SLC2A14: variants seen among roughly 807,000 people sequenced by gnomAD.
The protein encoded by SLC2A14 is solute carrier family 2 member 14, also known as solute carrier family 2, facilitated glucose transporter member 14.
In SLC2A14, 13 loss-of-function variants were observed where a neutral mutation model predicts 43.0. The ratio of observed to expected loss-of-function variants is 0.30; its 90% confidence interval spans 0.20 to 0.48. The LOEUF (loss-of-function observed/expected upper bound fraction) is 0.48, where lower values mean the gene tolerates loss of function less well. Ranked by LOEUF, SLC2A14 falls within the 20% of genes least tolerant of loss-of-function variation. The pLI is 0.99. For synonymous variants in SLC2A14, 190 were observed against 233.8 expected (o/e 0.81, Z 1.71); for missense variants, 428 against 620.4 (o/e 0.69, Z 3.29).
intron 3 of SLC2A14, among the ~76,000 whole-genome samples, 161 bp downstream of exon 3, chr12:7,832,561 T>G (rs895850378): frequency 6.6e-6 from 1 of 152,148 alleles, no homozygotes. Flanking sequence ...GGATGGTGTT[T>G]AACTCCTGGG....
At position 7,818,014 on chromosome 12, in the gene SLC2A14, G is replaced by A. The variant is rs138911225; in HGVS notation, c.1092C>T (p.Ser364=). Residue 364 remains serine (S), a synonymous_variant, in exon 10 of 11, where the codon AGC becomes AGT. Coordinates refer to ENST00000431042, the MANE Select transcript of SLC2A14 (RefSeq NM_001286234.2). ...CCAAGATAGCCCCAATACAGACAAA[G>A]CTCATCCCATTATAGTGATTCTGTA... The part of the protein sequence containing the change: ...LLLKNHYNGM[S]FVCIGAILVF... 6.7e-5 allele frequency: 108 copies of A among 1,614,010 alleles called. No homozygotes were observed. In the African/African-American group the frequency reaches 1.2e-3, roughly 18 times the overall value.
At chr12:7,827,045 TTC>T (rs781013405) in intron 7 of SLC2A14, among the ~76,000 whole-genome samples, 23 of 141,456 alleles carry the variant, frequency 1.6e-4, no homozygotes, top group Non-Finnish European at 9.2e-5. Context: ...TTTCTCTCCT[TTC>T]TCTCTCTCTC....
intron 2 of SLC2A14, among the ~76,000 whole-genome samples, chr12:7,844,315 GGTAGTTCATTCCTTCTTACTGCTGA>G (rs1866271120): frequency 6.6e-6 from 1 of 152,088 alleles, no homozygotes; most frequent in Non-Finnish European, 1.5e-5. Flanking sequence ...TGGTGGTGTT[GGTAGTTCATTCCTTCTTACTGCTGA>G]GTAGTATTCC....
intron 1 of SLC2A14, among the ~76,000 whole-genome samples, chr12:7,886,341 AATTTATTTATTTATTT>A (rs71038799): frequency 0.68 from 95,192 of 140,636 alleles, 32,353 homozygotes; most frequent in Admixed American, 0.76. Flanking sequence ...AAATTTTTAA[AATTTATTTATTTATTT>A]ATTTATTTAT....
rs781762511 is a variant in SLC2A14, at chr12:7,832,518, T to TG, written c.111+203dup. Among the ~76,000 whole-genome samples the TG allele has an allele frequency of 4.6e-5, 7 of 152,274 alleles. No individual in the cohort carries two copies. The South Asian group carries it at 1.5e-3, about 32-fold the overall frequency. ...AGATACAAAGTTTAATTCCCCTAGT[T>TG]GGGGGAGGGACCCTCACTAACTGTG... On this transcript the variant is annotated intron_variant, in intron 3 of 10. Transcript: ENST00000431042.
At chr12:7,844,683 A>G (rs1866310745) in intron 2 of SLC2A14, among the ~76,000 whole-genome samples, 1 of 151,772 alleles carries the variant, frequency 6.6e-6, no homozygotes, top group African/African-American at 2.4e-5. Flanking sequence ...ATTACAGGCA[A>G]ATGCCACCAC....
intron 3 of SLC2A14, among the ~76,000 whole-genome samples, chr12:7,832,039 C>T (rs1178371305): frequency 2.6e-5 from 4 of 152,174 alleles, no homozygotes; most frequent in Non-Finnish European, 1.5e-5. Flanking sequence ...ACCCGTGGGG[C>T]GGAGTTTGCG....
chr12:7,826,884 TC>T lies in SLC2A14; in HGVS notation c.864+610del, dbSNP rs1174864726. On this transcript the variant is annotated intron_variant, in intron 7 of 10. Coordinates refer to ENST00000431042, the MANE Select transcript of SLC2A14 (RefSeq NM_001286234.2). ...TTTTTTCTTTCTTTCTTTCTTTCTT[TC>T]TTTCTTTCTTTCTTTCTTTCTTTCT... Among the ~76,000 whole-genome samples the T allele has an allele frequency of 7.1e-3, 494 of 69,156 alleles. 35 individuals are homozygous for T. Among genetic ancestry groups the T allele is most frequent in the African/African-American group, 0.034 (458 of 13,500 alleles). 45.4% of individuals were successfully genotyped at this position (69,156 alleles called of 152,430 possible). A position where few individuals can be genotyped will look rare whatever the true frequency, so the allele number is the denominator to read the frequency against.
chr12:7,877,169 T>G (rs1374601487), upstream of SLC2A14, among the ~76,000 whole-genome samples: 1 of 152,046 alleles, frequency 6.6e-6, no homozygotes, highest in East Asian at 1.9e-4. Flanking sequence ...GGCTAATTTT[T>G]GTATTTTCAG....
At chr12:7,874,981 TTATATATAAATTATATATAAATACATA>T (rs1945423995), upstream of SLC2A14, among the ~76,000 whole-genome samples, 1 of 23,978 alleles carries the variant, frequency 4.2e-5, no homozygotes, top group Non-Finnish European at 9.0e-5. Context: ...ATAAATATAT[TTATATATAAATTATATATAAATACATA>T]TATAAAAATT....
Position 7,829,793 on chromosome 12 carries a change from G to A in SLC2A14, c.486C>T (p.Gly162=), listed in dbSNP as rs1403035529. The change falls in exon 5 of 11, where the codon GGC becomes GGT. Residue 162 remains glycine, a synonymous_variant. Coordinates refer to ENST00000431042, the MANE Select transcript of SLC2A14 (RefSeq NM_001286234.2). ...GGGCCACCAGAATTCCAATAACTAT[G>A]CCCAGCTGGTTGAGAGTGCCAAAGG... is the stretch of plus-strand genomic sequence containing the variant. ...RGAFGTLNQL[G]IVIGILVAQI... is the part of the protein sequence containing the mutation. The A allele has an allele frequency of 5.6e-6, 9 of 1,614,154 alleles. No homozygotes were observed. Among genetic ancestry groups the A allele is most frequent in the Non-Finnish European group, 7.6e-6 (9 of 1,180,032 alleles).
upstream of SLC2A14, among the ~76,000 whole-genome samples, chr12:7,874,628 C>T (rs777084166): frequency 1.4e-4 from 21 of 149,094 alleles, 1 homozygote; most frequent in East Asian, 7.8e-4. Context: ...GCCGAGATCA[C>T]GCCACTGCAC....
rs1262930928 is a variant in SLC2A14, at chr12:7,819,481, C to A, written c.1071+1G>T. 1 of 1,612,344 alleles carries A rather than the reference C, an allele frequency of 6.2e-7. No individual in the cohort carries two copies. Among genetic ancestry groups the A allele is most frequent in the African/African-American group, 1.3e-5 (1 of 74,838 alleles). On this transcript the variant is annotated splice_donor_variant, in intron 9 of 10. Transcript: ENST00000431042. LOFTEE classifies it high-confidence loss of function. Reference sequence around the variant, plus strand: ...TTTTTTTTCACCCAAAGAGCACTTACCTTTAATAACAAAGAAACAGTCATG... The same window carrying A: ...TTTTTTTTCACCCAAAGAGCACTTAACTTTAATAACAAAGAAACAGTCATG...
intron 1 of SLC2A14, among the ~76,000 whole-genome samples, chr12:7,881,146 G>A (rs1307690421): frequency 6.6e-6 from 1 of 152,084 alleles, no homozygotes; most frequent in Admixed American, 6.5e-5. Flanking sequence ...GCTCGCTCTC[G>A]GCACTTCCTC....
At chr12:7,882,683 GAA>G (rs1384291205) in intron 1 of SLC2A14, among the ~76,000 whole-genome samples, 4 of 151,956 alleles carry the variant, frequency 2.6e-5, no homozygotes, top group Non-Finnish European at 5.9e-5. Flanking sequence ...CTAAAAATAC[GAA>G]AGTTAGTCCA....
At chr12:7,861,961 C>A (rs200962450) in intron 2 of SLC2A14, among the ~76,000 whole-genome samples, 51 of 132,200 alleles carry the variant, frequency 3.9e-4, no homozygotes, top group East Asian at 4.4e-4. Flanking sequence ...GACTCCATTT[C>A]AAAAAAAAAA....
intron 2 of SLC2A14, among the ~76,000 whole-genome samples, chr12:7,833,955 A>G (rs1234751569): frequency 1.3e-5 from 2 of 152,062 alleles, no homozygotes; most frequent in African/African-American, 4.8e-5. Flanking sequence ...CACCCCCACC[A>G]ATCCCTTCAA....
In SLC2A14 at chr12:7,836,935, G is replaced by A. The variant is rs1187950070; in HGVS notation, c.19-4121C>T. ...TATAATCCCAGCATTTTAGGAGGCT[G>A]AGGCAGGTGGATCACAAGATCAGGA... is the stretch of plus-strand genomic sequence containing the variant. On this transcript the variant is annotated intron_variant, in intron 2 of 10. Transcript: ENST00000431042. 4.6e-5 allele frequency among the ~76,000 whole-genome samples: 7 copies of A among 152,012 alleles called. No homozygotes were observed. The East Asian group carries it at 7.7e-4, about 17-fold the overall frequency.
intron 2 of SLC2A14, among the ~76,000 whole-genome samples, chr12:7,865,843 C>T (rs1944875862): frequency 2.0e-5 from 3 of 152,108 alleles, no homozygotes; most frequent in African/African-American, 7.2e-5. Flanking sequence ...GCCTGTTGCA[C>T]CAAACAGTTA....
Sources: gnomAD v4.1 joint callset for allele counts (sites outside exome capture counted in the v4.1 genomes callset) on GRCh38, gnomAD v4.1.1 for gene constraint, MANE v1.5 for transcripts, NCBI Gene and HGNC (gene_info 2026-07-23, HGNC 2026-07-21) for gene names.